The following DNAH9 variants were observed in gnomAD, a reference collection of about 807,000 sequenced individuals.
The protein encoded by DNAH9 is DNAH9 variant protein.
DNAH9 carries 345 observed loss-of-function variants against 471.6 expected under a neutral mutation model. The ratio of observed to expected loss-of-function variants is 0.73; its 90% CI spans 0.67 to 0.80. DNAH9 has a LOEUF of 0.80. Among genes scored for constraint, DNAH9 ranks in the 30% least tolerant of loss-of-function variants. DNAH9 has a pLI of 0.00. For missense variants in DNAH9, 5,407 were observed against 5,609.2 expected, an observed-to-expected ratio of 0.96 and a Z score of 1.15; for synonymous variants, 2,093 against 2,123.6, an observed-to-expected ratio of 0.99 and a Z score of 0.40.
chr17:11,827,394 G>A (rs1970534845), intron 48 of DNAH9, among the ~76,000 whole-genome samples: 1 of 152,150 alleles, frequency 6.6e-6, no homozygotes, highest in Non-Finnish European at 1.5e-5. Context: ...ATAGGGGAAG[G>A]CGAAGGAGGA....
intron 36 of DNAH9, among the ~76,000 whole-genome samples, chr17:11,765,416 A>G (rs897109170): frequency 6.6e-6 from 1 of 152,236 alleles, no homozygotes; most frequent in African/African-American, 2.4e-5. Flanking sequence ...ATCCAAAATG[A>G]AAGTGAACTT....
intron 14 of DNAH9, among the ~76,000 whole-genome samples, chr17:11,653,356 T>C (rs1264765505): frequency 1.3e-5 from 2 of 152,088 alleles, no homozygotes; most frequent in Admixed American, 6.5e-5. Context: ...CACAACATAT[T>C]GTGGTCCTCC....
chr17:11,810,595 G>C (rs1483417035), intron 45 of DNAH9, among the ~76,000 whole-genome samples: 2 of 152,170 alleles, frequency 1.3e-5, no homozygotes, highest in African/African-American at 4.8e-5. Flanking sequence ...AGTAATCGTG[G>C]AGCTCTCTTA....
At chr17:11,610,777 G>A (rs1448547054) in intron 3 of DNAH9, among the ~76,000 whole-genome samples, 1 of 152,146 alleles carries the variant, frequency 6.6e-6, no homozygotes, top group African/African-American at 2.4e-5. Flanking sequence ...TTCCTTTCCT[G>A]GGTTCACATC....
chr17:11,648,771 A>C (rs2073443165), intron 12 of DNAH9, among the ~76,000 whole-genome samples: 1 of 152,280 alleles, frequency 6.6e-6, no homozygotes, highest in South Asian at 2.1e-4. Flanking sequence ...AACAAGTCAA[A>C]GAAGAACACC....
intron 10 of DNAH9, among the ~76,000 whole-genome samples, chr17:11,643,428 A>G (rs2073316810): frequency 6.6e-6 from 1 of 152,032 alleles, no homozygotes; most frequent in African/African-American, 2.4e-5. Context: ...GGAAACATAT[A>G]TTTAAATATA....
In DNAH9 at chr17:11,598,929, A is replaced by G; in HGVS notation, c.417+14A>G. ...CTGTTCTCGGAGGTGAGGGTGGGTTAGTGTCCCCGCGCGGCTAAAGCTGGG... is the reference window on the plus strand; with the variant it reads ...CTGTTCTCGGAGGTGAGGGTGGGTTGGTGTCCCCGCGCGGCTAAAGCTGGG... On this transcript the variant is annotated intron_variant, in intron 1 of 68. Transcript: ENST00000262442. 2 of 1,164,132 alleles carry G rather than the reference A, an allele frequency of 1.7e-6. No individual in the cohort carries two copies. Among genetic ancestry groups the G allele is most frequent in the Non-Finnish European group, 2.1e-6 (2 of 930,434 alleles). 72.1% of individuals were successfully genotyped at this position (1,164,132 alleles called of 1,614,324 possible). A position where few individuals can be genotyped will look rare whatever the true frequency, so the allele number is the denominator to read the frequency against.
chr17:11,694,010 C>T lies in DNAH9; in HGVS notation c.4745+12C>T. ...GATATTCAGGGCAGGTGAGGGTCCG[C>T]CCATTACCCCTTCTCTAATAAGAAG... On this transcript the variant is annotated intron_variant, in intron 21 of 68. Coordinates refer to ENST00000262442, the MANE Select transcript of DNAH9 (RefSeq NM_001372.4). 3 of 1,609,646 alleles carry T rather than the reference C, an allele frequency of 1.9e-6. No homozygotes were observed. Among genetic ancestry groups the T allele is most frequent in the Non-Finnish European group, 2.5e-6 (3 of 1,178,976 alleles).
intron 20 of DNAH9, among the ~76,000 whole-genome samples, chr17:11,692,700 TC>T (rs1192586055): frequency 1.3e-5 from 2 of 152,078 alleles, no homozygotes; most frequent in Non-Finnish European, 2.9e-5. Flanking sequence ...CTCTCATTCT[TC>T]CATGAGTGTA....
At chr17:11,949,675 T>C (rs1011637705) in intron 67 of DNAH9, among the ~76,000 whole-genome samples, 1 of 152,144 alleles carries the variant, frequency 6.6e-6, no homozygotes, top group Non-Finnish European at 1.5e-5. Flanking sequence ...GAGAGGGGGT[T>C]TCTCCATGTT....
chr17:11,769,026 C>A, intron 37 of DNAH9, 96 bp from the exon 38 acceptor site: 3 of 1,300,370 alleles, frequency 2.3e-6, no homozygotes, highest in Non-Finnish European at 3.3e-6. Flanking sequence ...TCCATCGTGA[C>A]GGAATCCCCT....
chr17:11,764,627 C>CT (rs1967854326), intron 36 of DNAH9, among the ~76,000 whole-genome samples: 1 of 151,968 alleles, frequency 6.6e-6, no homozygotes, highest in Admixed American at 6.6e-5. Context: ...CAGATTTGTT[C>CT]TTCTGTGCCT....
At chr17:11,697,617 C>T (rs1426711158) in intron 22 of DNAH9, among the ~76,000 whole-genome samples, 1 of 152,072 alleles carries the variant, frequency 6.6e-6, no homozygotes, top group Non-Finnish European at 1.5e-5. Flanking sequence ...ATACATCTAT[C>T]CCATTTATCT....
At chr17:11,897,938 C>T (rs980507913) in intron 59 of DNAH9, among the ~76,000 whole-genome samples, 1 of 152,126 alleles carries the variant, frequency 6.6e-6, no homozygotes, top group African/African-American at 2.4e-5. Flanking sequence ...GTCAGCAGGG[C>T]CGTGCTCCCT....
At position 11,905,724 on chromosome 17, in the gene DNAH9, CT is replaced by C. The variant is rs773013175; in HGVS notation, c.11665del (p.Ser3889HisfsTer22). The C allele has an allele frequency of 1.9e-6, 3 of 1,613,962 alleles. No individual in the cohort carries two copies. The Admixed American group carries it at 5.0e-5, about 27-fold the overall frequency. ...TGGGAAGAGCCCTAGATTTTGCAAC[CT>C]CATTTGAAGAATCGGGACCAGCCAC... is the stretch of plus-strand genomic sequence containing the variant. ...VVGRALDFAT[S>X]FEESGPATPM... On this transcript the variant is annotated frameshift_variant, in exon 61 of 69. Transcript: ENST00000262442. LOFTEE classifies it high-confidence loss of function.
Position 11,598,808 on chromosome 17 carries a change from C to G in DNAH9, c.310C>G (p.Leu104Val), listed in dbSNP as rs767886506. The change falls in exon 1 of 69, where the codon CTT becomes GTT. Residue 104 changes from leucine to valine, a missense_variant. Physicochemically the swap from Leu to Val is conservative, Grantham distance 32. Transcript: ENST00000262442. ...GLAGAKALFF[L>V]RTGPEPPGPD... ...GGCTGGCGCTAAGGCGCTTTTTTTCCTTCGCACCGGGCCCGAGCCTCCAGG... is the reference window on the plus strand; with the variant it reads ...GGCTGGCGCTAAGGCGCTTTTTTTCGTTCGCACCGGGCCCGAGCCTCCAGG... 14 of 1,480,866 alleles carry G rather than the reference C, an allele frequency of 9.5e-6. No homozygotes were observed. In the Admixed American group the frequency reaches 1.4e-4, roughly 15 times the overall value. The allele number at this position is 1,480,866 out of a possible 1,614,324, so 91.7% of individuals were successfully genotyped here.
At chr17:11,923,019 G>A (rs966590291) in intron 61 of DNAH9, among the ~76,000 whole-genome samples, 32 of 151,894 alleles carry the variant, frequency 2.1e-4, no homozygotes, top group Admixed American at 5.9e-4. Flanking sequence ...GAAGAGGGAA[G>A]AGTGAAGTGA....
rs756685989 is a variant in DNAH9, at chr17:11,880,114, A to C, written c.10515A>C (p.Gly3505=). 1 of 1,613,826 alleles carries C rather than the reference A, an allele frequency of 6.2e-7. No individual in the cohort carries two copies. Among genetic ancestry groups the C allele is most frequent in the African/African-American group, 1.3e-5 (1 of 74,894 alleles). ...TCATAGAGCAGGCCCTGGAAGCTGG[A>C]GCTGTGGTGCTGATTGAAAATCTAG... ...LQIIEQALEA[G]AVVLIENLEE... is the part of the protein sequence containing the mutation. The change falls in exon 54 of 69, where the codon GGA becomes GGC. Residue 3505 remains glycine (G), a synonymous_variant. Transcript: ENST00000262442.
intron 11 of DNAH9, among the ~76,000 whole-genome samples, chr17:11,645,491 T>C (rs560096057): frequency 6.6e-6 from 1 of 152,234 alleles, no homozygotes; most frequent in South Asian, 2.1e-4. Flanking sequence ...AGTACCCACA[T>C]TGTTACCAAA....
Sources: allele counts gnomAD v4.1 joint callset (sites outside exome capture counted in the v4.1 genomes callset), GRCh38; gene constraint gnomAD v4.1.1; transcripts MANE v1.5; gene names NCBI Gene and HGNC (gene_info 2026-07-23, HGNC 2026-07-21).